Variants in GMDS observed in about 807,000 individuals in gnomAD.
GMDS encodes the protein GDP-mannose 4,6 dehydratase.
GMDS carries 20 observed loss-of-function variants against 49.9 expected under a neutral mutation model. The observed-to-expected ratio is 0.40, with a 90% CI of 0.28 to 0.58. The LOEUF is 0.58. Ranked by LOEUF, GMDS falls within the 20% of genes least tolerant of loss-of-function variation. The pLI is 0.42. For synonymous variants in GMDS, 177 were observed against 178.6 expected, an observed-to-expected ratio of 0.99 and a Z score of 0.07; for missense variants, 362 against 481.4, an observed-to-expected ratio of 0.75 and a Z score of 2.32.
At chr6:1,858,460 T>C (rs2113780212) in intron 7 of GMDS, among the ~76,000 whole-genome samples, 1 of 152,348 alleles carries the variant, frequency 6.6e-6, no homozygotes, top group African/African-American at 2.4e-5. Context: ...CAAAAACCTT[T>C]CAATAACAAT....
At chr6:1,716,600 G>A (rs1348243534) in intron 9 of GMDS, among the ~76,000 whole-genome samples, 1 of 152,192 alleles carries the variant, frequency 6.6e-6, no homozygotes, top group Non-Finnish European at 1.5e-5. Context: ...CTGCGTGAGA[G>A]AAGGCCTGGC....
chr6:2,169,087 A>T (rs991741832), intron 1 of GMDS, among the ~76,000 whole-genome samples: 1 of 152,152 alleles, frequency 6.6e-6, no homozygotes, highest in South Asian at 2.1e-4. Context: ...TTCCAGAGGG[A>T]AAAAAAACTA....
intron 9 of GMDS, among the ~76,000 whole-genome samples, chr6:1,713,183 G>A (rs1376172406): frequency 1.3e-5 from 2 of 152,230 alleles, no homozygotes; most frequent in Non-Finnish European, 2.9e-5. Context: ...ACAGGCCAGC[G>A]GGTGGGCGCT....
rs533242642 is a variant in GMDS, at chr6:2,068,859, T to G, written c.345+46912A>C. On this transcript the variant is annotated intron_variant, in intron 4 of 10. Coordinates refer to ENST00000380815, the MANE Select transcript of GMDS (RefSeq NM_001500.4). ...ATACTGCCCAAGGTAATTTACAGAT[T>G]CAATGCCATCCCCATCAAGCTACCA... Among the ~76,000 whole-genome samples the G allele has an allele frequency of 2.8e-4, 43 of 152,254 alleles. 1 individual carries two copies. The Middle Eastern group carries it at 0.014, about 48-fold the overall frequency.
chr6:2,133,148 C>G (rs536356557), intron 1 of GMDS, among the ~76,000 whole-genome samples: 84 of 152,146 alleles, frequency 5.5e-4, no homozygotes, highest in African/African-American at 1.9e-3. Context: ...TACTCTAAAA[C>G]AGAGCTGCAC....
intron 6 of GMDS, among the ~76,000 whole-genome samples, chr6:1,934,590 C>T (rs1183174171): frequency 6.6e-6 from 1 of 152,092 alleles, no homozygotes; most frequent in Non-Finnish European, 1.5e-5. Context: ...ATAATTTTTA[C>T]ACTTCTGCTA....
At chr6:2,231,983 CA>C (rs1180153029) in intron 1 of GMDS, among the ~76,000 whole-genome samples, 1 of 152,050 alleles carries the variant, frequency 6.6e-6, no homozygotes, top group Non-Finnish European at 1.5e-5. Context: ...AGGTGGTTCC[CA>C]AATGTACTGT....
At chr6:2,140,788 G>C (rs1365427342) in intron 1 of GMDS, among the ~76,000 whole-genome samples, 1 of 152,198 alleles carries the variant, frequency 6.6e-6, no homozygotes, top group Non-Finnish European at 1.5e-5. Flanking sequence ...GTTGCAAGAA[G>C]TCAACCATTT....
intron 7 of GMDS, among the ~76,000 whole-genome samples, chr6:1,768,787 C>T (rs1474709704): frequency 3.9e-5 from 6 of 152,180 alleles, no homozygotes; most frequent in Admixed American, 2.6e-4. Flanking sequence ...ATATATTTTG[C>T]TTTGATTTAA....
At chr6:2,161,970 C>A (rs1318296927) in intron 1 of GMDS, among the ~76,000 whole-genome samples, 1 of 152,116 alleles carries the variant, frequency 6.6e-6, no homozygotes, top group Non-Finnish European at 1.5e-5. Context: ...AGCTAATTCA[C>A]TCAGAAAAAA....
intron 7 of GMDS, among the ~76,000 whole-genome samples, chr6:1,804,814 A>C (rs1770103419): frequency 6.6e-6 from 1 of 152,144 alleles, no homozygotes; most frequent in Non-Finnish European, 1.5e-5. Flanking sequence ...ATGGCAGCTG[A>C]ACTATATTAC....
At chr6:2,224,155 C>A (rs182759656) in intron 1 of GMDS, among the ~76,000 whole-genome samples, 2 of 152,170 alleles carry the variant, frequency 1.3e-5, no homozygotes. Context: ...GGAAAGCAAC[C>A]AAATATAATG....
rs146227020 is a variant in GMDS at position 2,013,327 on chromosome 6, A to G, written c.346-52361T>C. ...AAACCCAGCTCATTGTCAGATTAAC[A>G]TAAAACCTCACACTAAAAGCTTACT... is the stretch of plus-strand genomic sequence containing the variant. On this transcript the variant is annotated intron_variant, in intron 4 of 10. Transcript: ENST00000380815. Among the ~76,000 whole-genome samples the G allele has an allele frequency of 2.5e-3, 375 of 152,316 alleles. 1 individual carries two copies. The highest frequency in any genetic ancestry group is 8.8e-3 in the African/African-American group (364 of 41,580).
chr6:2,067,793 T>A (rs201070013), intron 4 of GMDS, among the ~76,000 whole-genome samples: 2 of 152,088 alleles, frequency 1.3e-5, no homozygotes, highest in African/African-American at 4.8e-5. Flanking sequence ...AACCAAAAAG[T>A]GTCCAGGACC....
chr6:2,163,436 T>TGA (rs374186618), intron 1 of GMDS, among the ~76,000 whole-genome samples: 6,107 of 150,688 alleles, frequency 0.041, 242 homozygotes, highest in South Asian at 0.13. Context: ...TGTGTGTGTG[T>TGA]GAGAGAGAGA....
intron 7 of GMDS, among the ~76,000 whole-genome samples, chr6:1,892,187 G>A (rs1260407026): frequency 6.6e-6 from 1 of 151,838 alleles, no homozygotes; most frequent in Admixed American, 6.6e-5. Context: ...TCTCGGGGGA[G>A]ACTGAAATAT....
At chr6:1,747,909 T>G (rs1181091706) in intron 7 of GMDS, among the ~76,000 whole-genome samples, 1 of 152,132 alleles carries the variant, frequency 6.6e-6, no homozygotes, top group African/African-American at 2.4e-5. Context: ...TTAAGGGACT[T>G]TTAGACGTTT....
intron 9 of GMDS, among the ~76,000 whole-genome samples, chr6:1,703,413 GC>G (rs1332879945): frequency 3.3e-5 from 5 of 151,930 alleles, no homozygotes; most frequent in Admixed American, 3.3e-4. Context: ...ATCCAAACAT[GC>G]CTTGTCATAC....
At chr6:2,119,404 G>T (rs1229205685) in intron 2 of GMDS, among the ~76,000 whole-genome samples, 1 of 151,972 alleles carries the variant, frequency 6.6e-6, no homozygotes, top group African/African-American at 2.4e-5. Context: ...TTTAAATCAA[G>T]TGTTTTAATT....
Sources: allele counts gnomAD v4.1 joint callset (sites outside exome capture counted in the v4.1 genomes callset), GRCh38; gene constraint gnomAD v4.1.1; transcripts MANE v1.5; gene names NCBI Gene and HGNC (gene_info 2026-07-23, HGNC 2026-07-21).